The following B4GALT6 variants were observed in gnomAD, a reference collection of about 807,000 sequenced individuals.
B4GALT6 encodes the protein UDP-Gal:beta-GlcNAc beta-1,4-galactosyltransferase 6.
B4GALT6 carries 14 observed loss-of-function variants against 46.3 expected under a neutral mutation model. That is an observed-to-expected ratio of 0.30 (90% CI 0.20 to 0.47). The LOEUF is 0.47. B4GALT6 is among the 20% of genes least tolerant of loss of function. The probability of loss-of-function intolerance (pLI) is 0.99; values close to 1 mark genes in which losing one functional copy is unlikely to be tolerated. For missense variants in B4GALT6, 386 were observed against 480.1 expected (o/e 0.80, Z 1.83); for synonymous variants, 168 against 162.0 (o/e 1.04, Z -0.28).
In B4GALT6 at chr18:31,625,379, T is replaced by A. The variant is rs1376268077; in HGVS notation, c.*235A>T. 3.6e-5 allele frequency: 15 copies of A among 421,770 alleles called. No individual in the cohort carries two copies. The highest frequency in any genetic ancestry group is 2.2e-4 in the Admixed American group (5 of 22,276). The allele number at this position is 421,770 out of a possible 1,614,324, so 26.1% of individuals were successfully genotyped here. The stretch of plus-strand genomic sequence containing the variant: ...GAGGGAGCTCTCTTAACTTCCGATC[T>A]TAAGTAGTGGCTTCCCGTTTCTGCG... On this transcript the variant is annotated 3_prime_UTR_variant, in exon 9 of 9. Transcript: ENST00000306851.
chr18:31,666,130 C>A, intron 2 of B4GALT6, 126 bp downstream of exon 2: 1 of 536,860 alleles, frequency 1.9e-6, no homozygotes, highest in Non-Finnish European at 3.3e-6. Flanking sequence ...AAATAATCTA[C>A]CAGGACGCTT....
the B4GALT6 span, among the ~76,000 whole-genome samples, chr18:31,695,059 C>T: frequency 7.9e-5 from 12 of 151,680 alleles, no homozygotes; most frequent in Non-Finnish European, 1.5e-4. Context: ...TGCTATACTA[C>T]GGAGAAGGAA....
At chr18:31,670,019 T>C (rs1028258215) in intron 1 of B4GALT6, among the ~76,000 whole-genome samples, 1 of 141,292 alleles carries the variant, frequency 7.1e-6, no homozygotes, top group African/African-American at 2.4e-5. Flanking sequence ...TTTTAAATTA[T>C]ACAACTTGTA....
upstream of B4GALT6, among the ~76,000 whole-genome samples, chr18:31,690,030 T>C (rs2030057721): frequency 6.6e-6 from 1 of 152,224 alleles, no homozygotes; most frequent in Admixed American, 6.5e-5. Flanking sequence ...TGCATCTTTA[T>C]TAAAAGGATA....
the B4GALT6 span, among the ~76,000 whole-genome samples, chr18:31,723,408 T>C: frequency 1.3e-5 from 2 of 152,336 alleles, no homozygotes. Context: ...TTATTTAACA[T>C]GCTGACTTTA....
At chr18:31,684,619 G>C, upstream of B4GALT6, 1 of 1,226,554 alleles carries the variant, frequency 8.2e-7, no homozygotes, top group South Asian at 1.7e-5. Context: ...TGGGAGGCCA[G>C]AGAGTCGGGG....
chr18:31,684,171 G>T, intron 1 of B4GALT6, 141 bp downstream of exon 1: 1 of 1,370,792 alleles, frequency 7.3e-7, no homozygotes, highest in Non-Finnish European at 9.7e-7. Flanking sequence ...AGTTTGACAC[G>T]TCTGAAATAA....
At position 31,642,038 on chromosome 18, in the gene B4GALT6, T is replaced by C. The variant is rs183636416; in HGVS notation, c.472-3278A>G. Among the ~76,000 whole-genome samples, 987 of 152,324 alleles carry C rather than the reference T, an allele frequency of 6.5e-3. 8 individuals are homozygous for C. The highest frequency in any genetic ancestry group is 0.021 in the South Asian group (103 of 4,822). ...AGCCCTCATTCTCCTTCAGTGTTTTTAGTTTCATCTTCCTATTCCTCCTCA... is the reference window on the plus strand; with the variant it reads ...AGCCCTCATTCTCCTTCAGTGTTTTCAGTTTCATCTTCCTATTCCTCCTCA... On this transcript the variant is annotated intron_variant, in intron 4 of 8. Transcript: ENST00000306851.
In B4GALT6 at chr18:31,626,297, G is replaced by A. The variant is rs376449976; in HGVS notation, c.987C>T (p.Val329=). The change falls in exon 8 of 9, where the codon GTC becomes GTT. Residue 329 remains valine (V), a synonymous_variant. Coordinates refer to ENST00000306851, the MANE Select transcript of B4GALT6 (RefSeq NM_004775.5). The stretch of plus-strand genomic sequence containing the variant: ...ATTCAACTTACCGTCCTAAAAACTG[G>A]ACTTCACCTCTATGGTGATGAGGAA... The part of the protein sequence containing the change: ...KSIPHHHRGE[V]QFLGRYKLLR... The A allele has an allele frequency of 5.0e-6, 8 of 1,586,302 alleles. No individual in the cohort carries two copies. In the East Asian group the frequency reaches 1.1e-4, roughly 22 times the overall value.
At position 31,631,181 on chromosome 18, in the gene B4GALT6, T is replaced by C. The variant is rs551205879; in HGVS notation, c.589-35A>G. ...GCAGACCGAGAGAAAAAAATAGAAA[T>C]GTACTCACACTTCATCATCTTTTTT... On this transcript the variant is annotated intron_variant, in intron 5 of 8. Transcript: ENST00000306851. 97 of 1,537,792 alleles carry C rather than the reference T, an allele frequency of 6.3e-5. 1 individual carries two copies. The highest frequency in any genetic ancestry group is 2.5e-4 in the South Asian group (21 of 83,104).
upstream of B4GALT6, among the ~76,000 whole-genome samples, chr18:31,685,277 C>T (rs2074533151): frequency 6.8e-6 from 1 of 147,144 alleles, no homozygotes; most frequent in African/African-American, 2.4e-5. Flanking sequence ...GGACACCAGG[C>T]GAAGAGCAAC....
chr18:31,708,746 C>T, the B4GALT6 span, among the ~76,000 whole-genome samples: 18 of 151,910 alleles, frequency 1.2e-4, no homozygotes, highest in Middle Eastern at 3.4e-3. Flanking sequence ...CTTCTCCTTC[C>T]ATAGAAGGAA....
upstream of B4GALT6, among the ~76,000 whole-genome samples, chr18:31,689,741 G>GA (rs746507440): frequency 6.6e-6 from 1 of 151,876 alleles, no homozygotes; most frequent in African/African-American, 2.4e-5. Flanking sequence ...AAGAAAAAAA[G>GA]AAAAAAAGAG....
chr18:31,685,007 G>A (rs578227426), upstream of B4GALT6, among the ~76,000 whole-genome samples: 1 of 146,388 alleles, frequency 6.8e-6, no homozygotes. Flanking sequence ...GCCGCAACCA[G>A]CGCGCGCCAC....
In B4GALT6 at chr18:31,650,081, T is replaced by A. The variant is rs147005469; in HGVS notation, c.347-4602A>T. ...TCAACTCTGACACTGCACCCTCTCA[T>A]TAAAGCCTCTTTCTCTTTCACCTTC... On this transcript the variant is annotated intron_variant, in intron 3 of 8. Coordinates refer to ENST00000306851, the MANE Select transcript of B4GALT6 (RefSeq NM_004775.5). 4.9e-3 allele frequency among the ~76,000 whole-genome samples: 743 copies of A among 152,320 alleles called. 7 individuals are homozygous for A. Among genetic ancestry groups the A allele is most frequent in the South Asian group, 0.015 (70 of 4,826 alleles).
the B4GALT6 span, among the ~76,000 whole-genome samples, chr18:31,698,266 C>G: frequency 6.6e-6 from 1 of 152,294 alleles, no homozygotes; most frequent in African/African-American, 2.4e-5. Flanking sequence ...CAAGAGGAGG[C>G]TTCCCTCTTA....
chr18:31,643,820 G>C (rs1019469206), intron 4 of B4GALT6, among the ~76,000 whole-genome samples: 1 of 152,134 alleles, frequency 6.6e-6, no homozygotes, highest in African/African-American at 2.4e-5. Flanking sequence ...TGTTCTACTA[G>C]TATGCTACCC....
At chr18:31,686,056 C>T (rs1360021979), upstream of B4GALT6, 1 of 152,392 alleles carries the variant, frequency 6.6e-6, no homozygotes, top group South Asian at 2.1e-4. Flanking sequence ...CATCCACCTC[C>T]TAGGCCGTGG....
At position 31,625,541 on chromosome 18, in the gene B4GALT6, G is replaced by A. The variant is rs1598858420; in HGVS notation, c.*73C>T. ...GGGCACTGTGACACAGCCAATCACT[G>A]ACCTCCACTAAGAGCGCGCTCCAAG... On this transcript the variant is annotated 3_prime_UTR_variant, in exon 9 of 9. Transcript: ENST00000306851. 1.3e-6 allele frequency: 2 copies of A among 1,539,182 alleles called. No homozygotes were observed. The highest frequency in any genetic ancestry group is 4.5e-5 in the East Asian group (2 of 44,258).
Sources: gnomAD v4.1 joint callset for allele counts (sites outside exome capture counted in the v4.1 genomes callset) on GRCh38, gnomAD v4.1.1 for gene constraint, MANE v1.5 for transcripts, NCBI Gene and HGNC (gene_info 2026-07-23, HGNC 2026-07-21) for gene names.